SS18L1: variants seen among roughly 807,000 people sequenced by gnomAD.
The protein encoded by SS18L1 is SS18L1 subunit of BAF chromatin remodeling complex.
In SS18L1, 32 loss-of-function variants were observed where a neutral mutation model predicts 70.3. The observed-to-expected ratio is 0.46, with a 90% CI of 0.34 to 0.61. The LOEUF (loss-of-function observed/expected upper bound fraction) is 0.61, where lower values mean the gene tolerates loss of function less well. Ranked by LOEUF, SS18L1 falls within the 20% of genes least tolerant of loss-of-function variation. SS18L1 has a pLI of 0.01. For missense variants in SS18L1, 430 were observed against 542.1 expected (o/e 0.79, Z 2.05); for synonymous variants, 237 against 229.7 (o/e 1.03, Z -0.29).
At chr20:62,177,507 C>G (rs2057640782) in intron 10 of SS18L1, among the ~76,000 whole-genome samples, 1 of 152,212 alleles carries the variant, frequency 6.6e-6, no homozygotes, top group Admixed American at 6.5e-5. Context: ...TTTCCTCCCT[C>G]CCCCACTTCC....
chr20:62,162,828 C>A lies in SS18L1; in HGVS notation c.453C>A (p.Gly151=), dbSNP rs142858314. Residue 151 remains glycine (G), a synonymous_variant, in exon 5 of 11, where the codon GGC becomes GGA. Coordinates refer to ENST00000331758, the MANE Select transcript of SS18L1 (RefSeq NM_198935.3). The part of the protein sequence containing the change: ...PTTSMSISGP[G]YSHAGPASQG... ...CCTCCATGAGCATCTCTGGGCCCGG[C>A]TACAGCCACGCGGGACCCGCCTCGC... 102 of 1,612,898 alleles carry A rather than the reference C, an allele frequency of 6.3e-5. 1 individual carries two copies. In the Middle Eastern group the frequency reaches 3.3e-3, roughly 52 times the overall value.
At chr20:62,173,950 G>T (rs2057575359) in intron 9 of SS18L1, among the ~76,000 whole-genome samples, 1 of 151,864 alleles carries the variant, frequency 6.6e-6, no homozygotes, top group African/African-American at 2.4e-5. Flanking sequence ...GGAGGTGGAG[G>T]TTGCGGTGAG....
At chr20:62,144,943 G>C (rs1375091233) in intron 1 of SS18L1, among the ~76,000 whole-genome samples, 1 of 152,236 alleles carries the variant, frequency 6.6e-6, no homozygotes, top group Non-Finnish European at 1.5e-5. Context: ...GGTTCACCTT[G>C]ACCTTGACTG....
chr20:62,167,948 T>C (rs1480596517), intron 8 of SS18L1, among the ~76,000 whole-genome samples: 1 of 149,940 alleles, frequency 6.7e-6, no homozygotes, highest in Non-Finnish European at 1.5e-5. Context: ...CTCGAATTGC[T>C]GGGACTAAAG....
chr20:62,149,752 A>G (rs1306836872), intron 1 of SS18L1, among the ~76,000 whole-genome samples: 1 of 152,228 alleles, frequency 6.6e-6, no homozygotes, highest in Admixed American at 6.5e-5. Flanking sequence ...ACGAGCAAGG[A>G]ATGGCCGGAA....
chr20:62,178,686 A>G (rs2057663077), intron 10 of SS18L1, among the ~76,000 whole-genome samples: 1 of 152,162 alleles, frequency 6.6e-6, no homozygotes, highest in Admixed American at 6.5e-5. Context: ...ATCTGGGACT[A>G]TTGGCACACG....
intron 7 of SS18L1, 70 bp downstream of exon 7, chr20:62,164,316 G>C: frequency 7.0e-7 from 1 of 1,419,294 alleles, no homozygotes; most frequent in Admixed American, 2.1e-5. Context: ...AGGGCAAGGA[G>C]GGCAAGGAGG....
rs769143434 is a variant in SS18L1, at chr20:62,163,631, C to T, written c.721+9C>T. 17 of 1,566,032 alleles carry T rather than the reference C, an allele frequency of 1.1e-5. No individual in the cohort carries two copies. The highest frequency in any genetic ancestry group is 4.7e-5 in the South Asian group (4 of 85,922). On this transcript the variant is annotated intron_variant, in intron 6 of 10. Transcript: ENST00000331758. ...CCGGCCCTCCCAGCAAGGTAACGCC[C>T]GGCCGGGCCAGGTCGCGGGCACAGC...
At position 62,158,111 on chromosome 20, in the gene SS18L1, T is replaced by TG. The variant is rs537455112; in HGVS notation, c.70-557dup. 9.0e-4 allele frequency among the ~76,000 whole-genome samples: 137 copies of TG among 152,230 alleles called. 1 individual carries two copies. Among genetic ancestry groups the TG allele is most frequent in the African/African-American group, 3.1e-3 (130 of 41,542 alleles). On this transcript the variant is annotated intron_variant, in intron 1 of 10. Transcript: ENST00000331758. The surrounding 1 kb of genome is among the most constrained non-coding windows in gnomAD (Gnocchi z 4.5). ...CAGCTAGGGGCACCAGGGCCTCTTG[T>TG]GGGGTGCCCACAGGGTCCTGACATC...
chr20:62,167,785 T>G (rs2057461306), intron 8 of SS18L1, among the ~76,000 whole-genome samples: 1 of 151,862 alleles, frequency 6.6e-6, no homozygotes, highest in East Asian at 1.9e-4. Flanking sequence ...CAGGATGTGC[T>G]GCTCAGCCTT....
intron 7 of SS18L1, 65 bp from the exon 8 acceptor site, chr20:62,165,357 T>C (rs2057407996): frequency 6.7e-7 from 1 of 1,494,742 alleles, no homozygotes; most frequent in Admixed American, 1.9e-5. Flanking sequence ...GGGTCTCAGT[T>C]GCCTCCTCCG....
chr20:62,167,661 A>G (rs2057459406), intron 8 of SS18L1, among the ~76,000 whole-genome samples: 1 of 152,222 alleles, frequency 6.6e-6, no homozygotes. Flanking sequence ...GATCTCTGCC[A>G]TCATGGGCCT....
At chr20:62,171,716 A>C (rs368188190) in intron 8 of SS18L1, among the ~76,000 whole-genome samples, 2 of 152,248 alleles carry the variant, frequency 1.3e-5, no homozygotes, top group African/African-American at 4.8e-5. Flanking sequence ...CAGAAAAGTA[A>C]AGTAGAAAAT....
chr20:62,154,932 A>G (rs920582810), intron 1 of SS18L1, among the ~76,000 whole-genome samples: 2 of 151,926 alleles, frequency 1.3e-5, no homozygotes, highest in East Asian at 3.9e-4. Flanking sequence ...CCTCAACTTC[A>G]TATCCCGCCC....
At position 62,179,280 on chromosome 20, in the gene SS18L1, C is replaced by T. The variant is rs2057673088; in HGVS notation, c.*72C>T. 2 of 1,564,214 alleles carry T rather than the reference C, an allele frequency of 1.3e-6. No individual in the cohort carries two copies. Among genetic ancestry groups the T allele is most frequent in the Admixed American group, 3.3e-5 (2 of 59,762 alleles). ...GGGGCCGGATGGGCTGGCGGCAGCTCTGGTGAATTGTGACATGTTGGTTAC... is the reference window on the plus strand; with the variant it reads ...GGGGCCGGATGGGCTGGCGGCAGCTTTGGTGAATTGTGACATGTTGGTTAC... On this transcript the variant is annotated 3_prime_UTR_variant, in exon 11 of 11. Transcript: ENST00000331758.
At position 62,162,055 on chromosome 20, in the gene SS18L1, T is replaced by C. The variant is rs369183620; in HGVS notation, c.376+475T>C. 3.3e-5 allele frequency among the ~76,000 whole-genome samples: 5 copies of C among 149,946 alleles called. No homozygotes were observed. In the East Asian group the frequency reaches 9.7e-4, roughly 29 times the overall value. On this transcript the variant is annotated intron_variant, in intron 4 of 10. Coordinates refer to ENST00000331758, the MANE Select transcript of SS18L1 (RefSeq NM_198935.3). ...GGGCAATATGGCAAAGCCCCATCTT[T>C]ACAAAAAATAAAAATATTAGCCGGG...
chr20:62,168,986 C>T (rs1157914759), intron 8 of SS18L1, among the ~76,000 whole-genome samples: 1 of 151,978 alleles, frequency 6.6e-6, no homozygotes, highest in East Asian at 1.9e-4. Flanking sequence ...CAGAGTGGGG[C>T]TGACCAAGCC....
Position 62,154,630 on chromosome 20 carries a change from A to C in SS18L1, c.70-4042A>C, listed in dbSNP as rs1342438566. Among the ~76,000 whole-genome samples, 4 of 152,180 alleles carry C rather than the reference A, an allele frequency of 2.6e-5. No individual in the cohort carries two copies. The South Asian group carries it at 6.2e-4, about 24-fold the overall frequency. On this transcript the variant is annotated intron_variant, in intron 1 of 10. Transcript: ENST00000331758. ...GTTGCACCCTGCGGGCCCATGTAGGAGGCTCCGTGCTGTCGGAATCCACTG... is the reference window on the plus strand; with the variant it reads ...GTTGCACCCTGCGGGCCCATGTAGGCGGCTCCGTGCTGTCGGAATCCACTG...
In SS18L1 at chr20:62,180,240, C is replaced by T. The variant is rs376529705; in HGVS notation, c.*1032C>T. On this transcript the variant is annotated 3_prime_UTR_variant, in exon 11 of 11. Transcript: ENST00000331758. Reference sequence around the variant, plus strand: ...GATGTCTGAAAGTCACATCCAGTTACATTACTGTGTTCTTTCTAATGAAAA... The same window carrying T: ...GATGTCTGAAAGTCACATCCAGTTATATTACTGTGTTCTTTCTAATGAAAA... The T allele has an allele frequency of 1.5e-4, 31 of 200,462 alleles. No individual in the cohort carries two copies. Among genetic ancestry groups the T allele is most frequent in the African/African-American group, 6.2e-4 (27 of 43,588 alleles). 12.4% of individuals were successfully genotyped at this position (200,462 alleles called of 1,614,324 possible).
Sources: gnomAD v4.1 joint callset for allele counts (sites outside exome capture counted in the v4.1 genomes callset) on GRCh38, gnomAD v4.1.1 for gene constraint, Gnocchi (gnomAD v3.1) non-coding constraint, MANE v1.5 for transcripts, NCBI Gene and HGNC (gene_info 2026-07-23, HGNC 2026-07-21) for gene names.